Variants in RNF111 observed in about 807,000 individuals in gnomAD.
RNF111 encodes E3 ubiquitin-protein ligase Arkadia.
A neutral mutation model predicts 95.1 loss-of-function variants in RNF111; 17 were observed. The observed-to-expected ratio is 0.18, with a 90% confidence interval of 0.12 to 0.27. The LOEUF (loss-of-function observed/expected upper bound fraction) is 0.27. RNF111 is among the 10% of genes least tolerant of loss of function. RNF111 has a pLI of 1.00. For missense variants in RNF111, 1,189 were observed against 1,210.4 expected (o/e 0.98, Z 0.26); for synonymous variants, 440 against 414.8 (o/e 1.06, Z -0.74).
rs1284748816 is a variant in RNF111 at position 59,031,111 on chromosome 15, A to G, written c.289A>G (p.Ser97Gly). 6.2e-7 allele frequency: 1 copy of G among 1,614,122 alleles called. No homozygotes were observed. The highest frequency in any genetic ancestry group is 1.3e-5 in the African/African-American group (1 of 74,944). Residue 97 changes from serine (S) to glycine (G), a missense_variant, in exon 2 of 14, where the codon AGC becomes GGC. By Grantham distance (56) the Ser-to-Gly change is moderately conservative (BLOSUM62 0). This residue lies in a region of RNF111 where 1,024 missense variants were observed against 925.9 expected (regional missense o/e 1.11). Transcript: ENST00000348370. The part of the protein sequence containing the change: ...KSLVVRKKRK[S>G]QQAGPSYVQN... ...TCTCGTTGTGAGGAAAAAACGCAAAAGCCAGCAGGCTGGCCCTTCGTATGT... is the reference window on the plus strand; with the variant it reads ...TCTCGTTGTGAGGAAAAAACGCAAAGGCCAGCAGGCTGGCCCTTCGTATGT...
chr15:58,992,675 A>G (rs987370277), intron 1 of RNF111, among the ~76,000 whole-genome samples: 12 of 151,712 alleles, frequency 7.9e-5, no homozygotes. Context: ...CAAAAATTAG[A>G]CAGGCATAAT....
intron 2 of RNF111, among the ~76,000 whole-genome samples, chr15:59,032,915 A>G (rs898920460): frequency 2.0e-5 from 3 of 152,156 alleles, no homozygotes; most frequent in Non-Finnish European, 4.4e-5. Context: ...TCACACACAC[A>G]GTAAATGTGA....
chr15:59,015,834 T>C (rs1467706004), intron 1 of RNF111, among the ~76,000 whole-genome samples: 3 of 152,154 alleles, frequency 2.0e-5, no homozygotes, highest in Non-Finnish European at 2.9e-5. Context: ...CTTTTATTTA[T>C]AGCATGTTTA....
chr15:58,993,119 A>G lies in RNF111; in HGVS notation c.-20+5051A>G, dbSNP rs149545213. The stretch of plus-strand genomic sequence containing the variant: ...CAGGAGGCAGAGGTTGCAGTGAGCC[A>G]AGATTGCGCCACTGCCCTTCAGTCT... On this transcript the variant is annotated intron_variant, in intron 1 of 13. Transcript: ENST00000348370. 4.6e-3 allele frequency among the ~76,000 whole-genome samples: 696 copies of G among 150,670 alleles called. 5 individuals carry two copies. Among genetic ancestry groups the G allele is most frequent in the African/African-American group, 0.016 (671 of 41,068 alleles).
intron 6 of RNF111, among the ~76,000 whole-genome samples, chr15:59,068,499 G>C (rs1262188914): frequency 2.0e-5 from 3 of 149,976 alleles, no homozygotes; most frequent in African/African-American, 7.4e-5. Flanking sequence ...CCAGCTACTC[G>C]GGAGGCTGAG....
chr15:59,094,714 T>C (rs1292702579), intron 13 of RNF111, 69 bp from the exon 14 acceptor site: 2 of 851,948 alleles, frequency 2.3e-6, no homozygotes, highest in Admixed American at 1.7e-5. Flanking sequence ...TTATTACATA[T>C]ATAATTTGTT....
chr15:59,040,648 C>G (rs1046292956), intron 2 of RNF111, among the ~76,000 whole-genome samples: 1 of 152,114 alleles, frequency 6.6e-6, no homozygotes, highest in Non-Finnish European at 1.5e-5. Flanking sequence ...GCCATAAATA[C>G]GTACACATAA....
At chr15:59,004,721 A>T (rs1334468796) in intron 1 of RNF111, among the ~76,000 whole-genome samples, 1 of 152,222 alleles carries the variant, frequency 6.6e-6, no homozygotes, top group Admixed American at 6.5e-5. Flanking sequence ...AAAGTTGCCC[A>T]AATATACATT....
At position 59,025,822 on chromosome 15, in the gene RNF111, G is replaced by A. The variant is rs138227222; in HGVS notation, c.-19-4982G>A. Among the ~76,000 whole-genome samples, 959 of 151,612 alleles carry A rather than the reference G, an allele frequency of 6.3e-3. 10 individuals carry two copies. Among genetic ancestry groups the A allele is most frequent in the Non-Finnish European group, 8.2e-3 (554 of 67,912 alleles). On this transcript the variant is annotated intron_variant, in intron 1 of 13. Coordinates refer to ENST00000348370, the MANE Select transcript of RNF111 (RefSeq NM_017610.8). The stretch of plus-strand genomic sequence containing the variant: ...CTCGGCTCACCGCAACCGCTGCCTT[G>A]CGGATTCAAGCGATTCTCCTGCCTC...
chr15:59,003,753 C>T (rs1282737687), intron 1 of RNF111, among the ~76,000 whole-genome samples: 1 of 152,142 alleles, frequency 6.6e-6, no homozygotes, highest in African/African-American at 2.4e-5. Flanking sequence ...GTTTTTTGGT[C>T]TCATTTGCAT....
intron 1 of RNF111, among the ~76,000 whole-genome samples, chr15:59,019,557 A>ATTTTTGTCAGGCTG (rs1555471123): frequency 1.3e-5 from 2 of 151,740 alleles, no homozygotes; most frequent in Non-Finnish European, 2.9e-5. Flanking sequence ...TTTATACACC[A>ATTTTTGTCAGGCTG]TTCTTGTCAG....
At position 59,095,997 on chromosome 15, in the gene RNF111, AG is replaced by A; in HGVS notation, c.*1098del. 2.5e-6 allele frequency: 1 copy of A among 398,622 alleles called. No homozygotes were observed. The highest frequency in any genetic ancestry group is 4.4e-6 in the Non-Finnish European group (1 of 225,824). 24.7% of individuals were successfully genotyped at this position (398,622 alleles called of 1,614,324 possible). A position where few individuals can be genotyped will look rare whatever the true frequency, so the allele number is the denominator to read the frequency against. ...TTTATTTCTCTCTAAACTTGAAAAC[AG>A]TAAATCTGCAGATACTGTGAGGCAC... is the stretch of plus-strand genomic sequence containing the variant. On this transcript the variant is annotated 3_prime_UTR_variant, in exon 14 of 14. Coordinates refer to ENST00000348370, the MANE Select transcript of RNF111 (RefSeq NM_017610.8).
At chr15:59,050,765 C>G (rs1393716951) in intron 2 of RNF111, among the ~76,000 whole-genome samples, 1 of 152,072 alleles carries the variant, frequency 6.6e-6, no homozygotes, top group Non-Finnish European at 1.5e-5. Flanking sequence ...CTTTTGTTTC[C>G]TTTTTTGGTT....
At chr15:58,999,443 C>G (rs1440828881) in intron 1 of RNF111, among the ~76,000 whole-genome samples, 1 of 152,136 alleles carries the variant, frequency 6.6e-6, no homozygotes, top group Non-Finnish European at 1.5e-5. Flanking sequence ...TCAAGCAATT[C>G]TGCTGCCTCA....
intron 10 of RNF111, among the ~76,000 whole-genome samples, chr15:59,089,443 A>C (rs554443088): frequency 2.0e-5 from 3 of 152,356 alleles, no homozygotes; most frequent in South Asian, 4.1e-4. Flanking sequence ...TGAGCTACTA[A>C]GAGCCTCAGG....
intron 5 of RNF111, 123 bp downstream of exon 5, chr15:59,058,673 C>A: frequency 1.2e-6 from 1 of 834,036 alleles, no homozygotes; most frequent in Non-Finnish European, 1.9e-6. Flanking sequence ...TTATAATAAA[C>A]TTCATATGTT....
chr15:59,036,222 T>G (rs1448934807), intron 2 of RNF111, among the ~76,000 whole-genome samples: 2 of 152,110 alleles, frequency 1.3e-5, no homozygotes, highest in Non-Finnish European at 2.9e-5. Context: ...CACGCCCAGC[T>G]AATCTTTATA....
At position 59,092,558 on chromosome 15, in the gene RNF111, G is replaced by A. The variant is rs749504258; in HGVS notation, c.2761G>A (p.Asp921Asn). The change falls in exon 13 of 14, where the codon GAT becomes AAT. Residue 921 changes from aspartate (D) to asparagine (N), a missense_variant. Physicochemically the swap from Asp to Asn is conservative, Grantham distance 23 (BLOSUM62 1). Around this residue, in one of 2 missense-constraint regions of RNF111, gnomAD observed 165 missense variants for 284.6 expected, o/e 0.58. Transcript: ENST00000348370. ...YKKRKLHCKQ[D>N]GEEGTEEDTE... ...ACAGAGGAAACTGCACTGCAAACAA[G>A]ATGGGGAAGAAGGGACTGAGGAAGA... 1.9e-6 allele frequency: 3 copies of A among 1,612,870 alleles called. No individual in the cohort carries two copies. Among genetic ancestry groups the A allele is most frequent in the African/African-American group, 2.7e-5 (2 of 75,006 alleles).
At chr15:59,036,809 G>A (rs1249038855) in intron 2 of RNF111, among the ~76,000 whole-genome samples, 1 of 152,076 alleles carries the variant, frequency 6.6e-6, no homozygotes, top group African/African-American at 2.4e-5. Flanking sequence ...TATGTCATCA[G>A]TTCATTTGTG....
Sources: allele counts gnomAD v4.1 joint callset (sites outside exome capture counted in the v4.1 genomes callset), GRCh38; gene constraint gnomAD v4.1.1; regional missense constraint gnomAD v4.1.1; transcripts MANE v1.5; gene names NCBI Gene and HGNC (gene_info 2026-07-23, HGNC 2026-07-21).